CNTN4: variants seen among roughly 807,000 people sequenced by gnomAD.
The protein encoded by CNTN4 is contactin-4.
Under a neutral mutation model 122.5 loss-of-function variants are expected in CNTN4, and 77 were observed. The ratio of observed to expected loss-of-function variants is 0.63; its 90% CI spans 0.52 to 0.76. The LOEUF is 0.76. Among genes scored for constraint, CNTN4 ranks in the 30% least tolerant of loss-of-function variants. CNTN4 has a pLI of 0.00. For missense variants in CNTN4, 1,256 were observed against 1,259.1 expected, an observed-to-expected ratio of 1.00 and a Z score of 0.04; for synonymous variants, 512 against 447.0, an observed-to-expected ratio of 1.15 and a Z score of -1.83.
intron 2 of CNTN4, among the ~76,000 whole-genome samples, chr3:2,315,278 A>G (rs752032480): frequency 5.9e-5 from 9 of 152,026 alleles, no homozygotes; most frequent in Non-Finnish European, 1.3e-4. Context: ...AAAGTGACCA[A>G]TTGATTTAAC....
chr3:2,897,987 G>A (rs2094133428), intron 10 of CNTN4, among the ~76,000 whole-genome samples: 1 of 152,068 alleles, frequency 6.6e-6, no homozygotes, highest in Admixed American at 6.6e-5. Flanking sequence ...TGGGATTTTT[G>A]TTATCTAAGG....
chr3:2,627,569 C>T (rs545673040), intron 4 of CNTN4, among the ~76,000 whole-genome samples: 54 of 149,668 alleles, frequency 3.6e-4, no homozygotes, highest in African/African-American at 1.3e-3. Context: ...TCTCGGCTCA[C>T]TGCAAGCTCC....
rs1257566548 is a variant in CNTN4 at position 2,756,506 on chromosome 3, A to C, written c.358+10809A>C. 2.0e-5 allele frequency among the ~76,000 whole-genome samples: 3 copies of C among 152,362 alleles called. No individual in the cohort carries two copies. The East Asian group carries it at 5.8e-4, about 29-fold the overall frequency. ...GAAATACATTTCTGTTAAGTTTCCC[A>C]GTCTATTGTGTTATAGCAGCCCTAA... On this transcript the variant is annotated intron_variant, in intron 6 of 24. Coordinates refer to ENST00000418658, the MANE Select transcript of CNTN4 (RefSeq NM_175607.3).
intron 2 of CNTN4, among the ~76,000 whole-genome samples, chr3:2,138,057 C>A (rs1033402502): frequency 7.3e-5 from 11 of 150,186 alleles, no homozygotes; most frequent in East Asian, 6.0e-4. Flanking sequence ...TCCCAATATT[C>A]TTCTTCTTCT....
In CNTN4 at chr3:2,574,841, C is replaced by CT. The variant is rs200712762; in HGVS notation, c.55+3292dup. 5.7e-3 allele frequency among the ~76,000 whole-genome samples: 866 copies of CT among 151,084 alleles called. 15 individuals carry two copies. Among genetic ancestry groups the CT allele is most frequent in the African/African-American group, 0.018 (732 of 41,088 alleles). On this transcript the variant is annotated intron_variant, in intron 4 of 24. Transcript: ENST00000418658. The stretch of plus-strand genomic sequence containing the variant: ...ACTCCTTTGTGACAAGTCTCCCAGT[C>CT]TTTTTTTTTCAATCTACAAACTCCT...
intron 10 of CNTN4, among the ~76,000 whole-genome samples, chr3:2,895,779 C>T (rs192462140): frequency 5.9e-5 from 9 of 152,300 alleles, no homozygotes; most frequent in Admixed American, 2.0e-4. Context: ...TCACGCCTGT[C>T]ATCCCAGCAC....
intron 4 of CNTN4, among the ~76,000 whole-genome samples, chr3:2,603,376 C>T (rs551527697): frequency 6.6e-6 from 1 of 152,228 alleles, no homozygotes; most frequent in Non-Finnish European, 1.5e-5. Context: ...AATTGTCAGT[C>T]TCTTGTAACA....
intron 2 of CNTN4, among the ~76,000 whole-genome samples, chr3:2,327,675 C>G (rs2043519015): frequency 1.3e-5 from 2 of 152,138 alleles, no homozygotes; most frequent in South Asian, 4.1e-4. Context: ...GAAAAGGACA[C>G]ACATTCTTTA....
At chr3:2,226,806 A>T (rs1366793764) in intron 2 of CNTN4, among the ~76,000 whole-genome samples, 2 of 152,122 alleles carry the variant, frequency 1.3e-5, no homozygotes, top group East Asian at 3.8e-4. Flanking sequence ...ATTGAATAAG[A>T]ATTTTAGCCT....
chr3:2,941,672 G>A (rs954563455), intron 13 of CNTN4, among the ~76,000 whole-genome samples: 7 of 152,082 alleles, frequency 4.6e-5, no homozygotes, highest in Non-Finnish European at 7.4e-5. Context: ...TAGCCCCGAC[G>A]CGTCGCTCTG....
chr3:2,974,835 G>A (rs1351117786), intron 13 of CNTN4, among the ~76,000 whole-genome samples: 4 of 152,070 alleles, frequency 2.6e-5, no homozygotes, highest in African/African-American at 9.7e-5. Context: ...TGGTATTAGG[G>A]GTTAAAGCAA....
intron 2 of CNTN4, among the ~76,000 whole-genome samples, chr3:2,116,731 T>A (rs909427306): frequency 6.6e-6 from 1 of 152,176 alleles, no homozygotes; most frequent in South Asian, 2.1e-4. Context: ...TGTTTCTGAC[T>A]ATGGAACAAT....
chr3:2,894,775 T>C (rs986094859), intron 10 of CNTN4, among the ~76,000 whole-genome samples: 5 of 152,196 alleles, frequency 3.3e-5, no homozygotes, highest in Non-Finnish European at 2.9e-5. Flanking sequence ...TTGATCTGGG[T>C]ATAACTGAGT....
At chr3:2,626,513 AAAAC>A (rs1007884867) in intron 4 of CNTN4, among the ~76,000 whole-genome samples, 2 of 152,004 alleles carry the variant, frequency 1.3e-5, no homozygotes, top group South Asian at 2.1e-4. Flanking sequence ...AAAACAACAA[AAAAC>A]AAACAAAATC....
intron 3 of CNTN4, among the ~76,000 whole-genome samples, chr3:2,346,955 TAAAC>T (rs1381050922): frequency 1.3e-5 from 2 of 152,124 alleles, no homozygotes; most frequent in African/African-American, 4.8e-5. Flanking sequence ...TCTGCATTCT[TAAAC>T]ATATTTGGAC....
At chr3:3,056,078 C>A (rs374991616) in intron 24 of CNTN4, 42 bp from the exon 25 acceptor site, 30 of 1,509,652 alleles carry the variant, frequency 2.0e-5, no homozygotes, top group Non-Finnish European at 2.8e-5. Context: ...CCTTTGAAGC[C>A]GGGATGGGGC....
chr3:2,840,496 C>T (rs572628742), intron 7 of CNTN4, among the ~76,000 whole-genome samples: 33 of 140,446 alleles, frequency 2.3e-4, no homozygotes, highest in South Asian at 5.0e-4. Context: ...GTCAGGAGAT[C>T]GAGACCATCC....
chr3:2,100,974 T>C (rs1203239419), intron 2 of CNTN4, among the ~76,000 whole-genome samples: 3 of 152,186 alleles, frequency 2.0e-5, no homozygotes, highest in Non-Finnish European at 4.4e-5. Flanking sequence ...CAGAGCCACA[T>C]GTAAGTTTCA....
intron 2 of CNTN4, among the ~76,000 whole-genome samples, chr3:2,253,754 G>A (rs978919046): frequency 7.2e-5 from 11 of 151,740 alleles, no homozygotes; most frequent in Admixed American, 2.0e-4. Context: ...CTATCCTCCC[G>A]CCTCAGCCTT....
Sources: gnomAD v4.1 joint callset for allele counts (sites outside exome capture counted in the v4.1 genomes callset) on GRCh38, gnomAD v4.1.1 for gene constraint, MANE v1.5 for transcripts, NCBI Gene and HGNC (gene_info 2026-07-23, HGNC 2026-07-21) for gene names.